The following CDH10 variants were observed in gnomAD, a reference collection of about 807,000 sequenced individuals.
The protein encoded by CDH10 is cadherin 10.
CDH10 carries 30 observed loss-of-function variants against 73.1 expected under a neutral mutation model. The observed-to-expected ratio is 0.41, with a 90% CI of 0.31 to 0.56. The LOEUF is 0.56. Ranked by LOEUF, CDH10 falls within the 20% of genes least tolerant of loss-of-function variation. The pLI, the probability that CDH10 is intolerant of heterozygous loss-of-function variation, is 0.27. For missense variants in CDH10, 815 were observed against 973.7 expected, an observed-to-expected ratio of 0.84 and a Z score of 2.17; for synonymous variants, 345 against 348.2, an observed-to-expected ratio of 0.99 and a Z score of 0.10.
chr5:24,505,723 T>TA (rs772049926), intron 7 of CDH10, among the ~76,000 whole-genome samples: 51 of 152,222 alleles, frequency 3.4e-4, no homozygotes, highest in Admixed American at 5.2e-4. Flanking sequence ...TTATGGTGTT[T>TA]AGCAGCTTCA....
intron 8 of CDH10, among the ~76,000 whole-genome samples, chr5:24,503,229 G>A (rs1020481542): frequency 7.9e-5 from 12 of 152,112 alleles, no homozygotes; most frequent in Admixed American, 2.6e-4. Context: ...ACCTTGATAC[G>A]TGTTTGTGGA....
At chr5:24,510,840 A>C (rs1193689380) in intron 6 of CDH10, among the ~76,000 whole-genome samples, 1 of 152,238 alleles carries the variant, frequency 6.6e-6, no homozygotes, top group Non-Finnish European at 1.5e-5. Context: ...ATGTTAGCAG[A>C]AGAGTTTAAT....
chr5:24,558,871 T>C (rs975747888), intron 2 of CDH10, among the ~76,000 whole-genome samples: 6 of 151,872 alleles, frequency 4.0e-5, no homozygotes, highest in African/African-American at 1.2e-4. Flanking sequence ...CTTCAACATA[T>C]ATTAGTTATT....
chr5:24,633,624 G>C (rs1414114184), intron 1 of CDH10, among the ~76,000 whole-genome samples: 1 of 151,888 alleles, frequency 6.6e-6, no homozygotes, highest in Non-Finnish European at 1.5e-5. Flanking sequence ...TGAGTCATTA[G>C]AGTTTACTTG....
rs2111638042 is a variant in CDH10, at chr5:24,491,660, A to G, written c.1792T>C (p.Cys598Arg). 6.2e-7 allele frequency: 1 copy of G among 1,613,776 alleles called. No individual in the cohort carries two copies. Among genetic ancestry groups the G allele is most frequent in the East Asian group, 2.2e-5 (1 of 44,842 alleles). The part of the protein sequence containing the change: ...ACDSQGNMQS[C>R]SAEALLLPAG... Reference sequence around the variant, plus strand: ...GGGAGGAGCAGGGCTTCAGCACTGCAGGATTGCATGTTGCCTTGGCTGTCA... The same window carrying G: ...GGGAGGAGCAGGGCTTCAGCACTGCGGGATTGCATGTTGCCTTGGCTGTCA... The change falls in exon 11 of 12, where the codon TGC (cysteine) becomes CGC (arginine). Residue 598 changes from cysteine (C) to arginine (R), a missense_variant. By Grantham distance (180) the Cys-to-Arg change is radical. Around this residue, in one of 3 missense-constraint regions of CDH10, gnomAD observed 241 missense variants for 240.3 expected, o/e 1.00. Transcript: ENST00000264463.
At chr5:24,579,229 A>C (rs1006805567) in intron 2 of CDH10, among the ~76,000 whole-genome samples, 3 of 151,960 alleles carry the variant, frequency 2.0e-5, no homozygotes, top group Non-Finnish European at 4.4e-5. Context: ...TTAAGAGTAA[A>C]ATGGTAAACA....
At chr5:24,572,809 TAGAC>T (rs897324424) in intron 2 of CDH10, among the ~76,000 whole-genome samples, 3 of 151,684 alleles carry the variant, frequency 2.0e-5, no homozygotes, top group Admixed American at 2.0e-4. Flanking sequence ...CATATTCACA[TAGAC>T]AGAGAATTCC....
intron 1 of CDH10, among the ~76,000 whole-genome samples, chr5:24,595,022 T>C (rs1197465360): frequency 6.6e-6 from 1 of 152,094 alleles, no homozygotes; most frequent in African/African-American, 2.4e-5. Context: ...GCCCAAGCAT[T>C]TATGTATAGA....
intron 2 of CDH10, among the ~76,000 whole-genome samples, chr5:24,586,434 CTTTTT>C (rs35486231): frequency 3.0e-5 from 3 of 100,424 alleles, no homozygotes; most frequent in African/African-American, 4.1e-5. Context: ...TTATTAACTC[CTTTTT>C]TTTTTTTTTT....
chr5:24,536,271 T>C (rs73743627), intron 3 of CDH10, among the ~76,000 whole-genome samples: 1,537 of 152,152 alleles, frequency 0.01, 30 homozygotes, highest in African/African-American at 0.035. Flanking sequence ...AAATTCTAAA[T>C]TTAGAAACAA....
At chr5:24,602,828 A>T (rs992022969) in intron 1 of CDH10, among the ~76,000 whole-genome samples, 2 of 152,162 alleles carry the variant, frequency 1.3e-5, no homozygotes, top group Non-Finnish European at 2.9e-5. Flanking sequence ...GAGTCTTCTC[A>T]CTTTCTTACT....
At chr5:24,637,809 A>G (rs1747916009) in intron 1 of CDH10, among the ~76,000 whole-genome samples, 1 of 151,900 alleles carries the variant, frequency 6.6e-6, no homozygotes, top group Non-Finnish European at 1.5e-5. Flanking sequence ...GCCCCTAAGT[A>G]CTATCAAAAA....
chr5:24,489,680 G>C (rs1224112451), intron 11 of CDH10, among the ~76,000 whole-genome samples: 1 of 151,852 alleles, frequency 6.6e-6, no homozygotes, highest in Non-Finnish European at 1.5e-5. Context: ...ACAAAAAATA[G>C]GTTTAAACTA....
chr5:24,563,193 T>C (rs10075038), intron 2 of CDH10, among the ~76,000 whole-genome samples: 125,946 of 152,052 alleles, frequency 0.83, 52,206 homozygotes, highest in East Asian at 0.91. Flanking sequence ...AAGATTTAGG[T>C]GACTGCAATA....
At chr5:24,536,792 A>G (rs1055818861) in intron 3 of CDH10, among the ~76,000 whole-genome samples, 1 of 151,934 alleles carries the variant, frequency 6.6e-6, no homozygotes, top group African/African-American at 2.4e-5. Context: ...ATCAGTATGT[A>G]TTTAACCATA....
chr5:24,490,807 A>G (rs908425297), intron 11 of CDH10, among the ~76,000 whole-genome samples: 1 of 152,180 alleles, frequency 6.6e-6, no homozygotes, highest in Admixed American at 6.6e-5. Context: ...TTTATTTTGT[A>G]TATATGAAAA....
intron 1 of CDH10, among the ~76,000 whole-genome samples, chr5:24,638,469 T>G (rs1747939698): frequency 6.6e-6 from 1 of 151,834 alleles, no homozygotes; most frequent in Non-Finnish European, 1.5e-5. Context: ...AAAGTGACAG[T>G]GCCTCTAAGT....
intron 5 of CDH10, among the ~76,000 whole-genome samples, chr5:24,530,187 A>T (rs993148484): frequency 5.9e-5 from 9 of 151,400 alleles, no homozygotes; most frequent in Non-Finnish European, 2.9e-5. Flanking sequence ...CTTTTCAAAT[A>T]GACATTCTCT....
chr5:24,625,218 A>G (rs1222940747), intron 1 of CDH10, among the ~76,000 whole-genome samples: 1 of 152,052 alleles, frequency 6.6e-6, no homozygotes, highest in African/African-American at 2.4e-5. Flanking sequence ...ATTAAAGGGA[A>G]TTGGCCCAAT....
Sources: gnomAD v4.1 joint callset for allele counts (sites outside exome capture counted in the v4.1 genomes callset) on GRCh38, gnomAD v4.1.1 for gene constraint, gnomAD v4.1.1 regional missense constraint, MANE v1.5 for transcripts, NCBI Gene and HGNC (gene_info 2026-07-23, HGNC 2026-07-21) for gene names.